The following SH3RF1 variants were observed in gnomAD, a reference collection of about 807,000 sequenced individuals.
The protein encoded by SH3RF1 is SH3 domain containing ring finger 1.
Under a neutral mutation model 74.0 loss-of-function variants are expected in SH3RF1, and 32 were observed. That is an observed-to-expected ratio of 0.43 (90% CI 0.33 to 0.58). The LOEUF (loss-of-function observed/expected upper bound fraction) is 0.58. SH3RF1 is among the 20% of genes least tolerant of loss of function. The pLI, the probability that SH3RF1 is intolerant of heterozygous loss-of-function variation, is 0.05. For synonymous variants in SH3RF1, 396 were observed against 439.6 expected, an observed-to-expected ratio of 0.90 and a Z score of 1.24; for missense variants, 954 against 1,130.9, an observed-to-expected ratio of 0.84 and a Z score of 2.24.
At chr4:169,212,228 C>A (rs1450145710) in intron 2 of SH3RF1, among the ~76,000 whole-genome samples, 1 of 151,822 alleles carries the variant, frequency 6.6e-6, no homozygotes, top group Non-Finnish European at 1.5e-5. Flanking sequence ...CCATGCCCAG[C>A]TGATTTTGTA....
chr4:169,239,885 G>A (rs1006241736), intron 2 of SH3RF1, among the ~76,000 whole-genome samples: 2 of 152,022 alleles, frequency 1.3e-5, no homozygotes, highest in Non-Finnish European at 2.9e-5. Flanking sequence ...TAAGCCGGGC[G>A]TGGTGGTGTG....
intron 5 of SH3RF1, among the ~76,000 whole-genome samples, chr4:169,130,804 A>T (rs1000998517): frequency 1.3e-5 from 2 of 152,246 alleles, no homozygotes; most frequent in African/African-American, 4.8e-5. Context: ...AAATTGAGTT[A>T]TTCAGGTCAT....
intron 11 of SH3RF1, among the ~76,000 whole-genome samples, chr4:169,102,887 T>C (rs1359711827): frequency 6.6e-6 from 1 of 150,412 alleles, no homozygotes; most frequent in Admixed American, 6.6e-5. Flanking sequence ...TTCTTTCCAT[T>C]GACAGCACCG....
intron 4 of SH3RF1, among the ~76,000 whole-genome samples, chr4:169,151,021 T>G (rs1210802194): frequency 6.6e-6 from 1 of 152,158 alleles, no homozygotes; most frequent in Non-Finnish European, 1.5e-5. Flanking sequence ...GATATACACA[T>G]AGGCAGTGAA....
chr4:169,175,590 C>T (rs1365700326), intron 2 of SH3RF1, among the ~76,000 whole-genome samples: 2 of 152,160 alleles, frequency 1.3e-5, no homozygotes, highest in Non-Finnish European at 2.9e-5. Flanking sequence ...CCCTGATTAT[C>T]CCACAATAGC....
intron 2 of SH3RF1, among the ~76,000 whole-genome samples, chr4:169,267,171 A>C (rs1001927952): frequency 6.6e-6 from 1 of 152,216 alleles, no homozygotes; most frequent in African/African-American, 2.4e-5. Context: ...AAAACTTAAA[A>C]TTCAAAAGAC....
At chr4:169,166,851 C>A in intron 2 of SH3RF1, 1 of 298,604 alleles carries the variant, frequency 3.3e-6, no homozygotes, top group South Asian at 5.2e-5. Context: ...TTGTCATTGC[C>A]ACCTCAACCA....
At chr4:169,189,832 C>T (rs184815794) in intron 2 of SH3RF1, among the ~76,000 whole-genome samples, 4 of 152,278 alleles carry the variant, frequency 2.6e-5, no homozygotes, top group Admixed American at 2.0e-4. Flanking sequence ...GTCTACTACA[C>T]TCAATAAATG....
chr4:169,155,368 G>A (rs1465879550), intron 4 of SH3RF1, 112 bp downstream of exon 4: 1 of 724,920 alleles, frequency 1.4e-6, no homozygotes. Flanking sequence ...CTGTAACAGG[G>A]CATTCCTGGT....
chr4:169,130,193 T>G (rs1733591695), intron 5 of SH3RF1, 37 bp from the exon 6 acceptor site: 1 of 1,391,014 alleles, frequency 7.2e-7, no homozygotes, highest in African/African-American at 1.5e-5. Flanking sequence ...AAGAAGACTA[T>G]GTTTAATACA....
chr4:169,200,557 T>A (rs1287839285), intron 2 of SH3RF1, among the ~76,000 whole-genome samples: 1 of 152,126 alleles, frequency 6.6e-6, no homozygotes, highest in Non-Finnish European at 1.5e-5. Context: ...CAGGGATGAA[T>A]CAGAAACATA....
At chr4:169,241,515 G>A (rs1383071076) in intron 2 of SH3RF1, among the ~76,000 whole-genome samples, 3 of 152,136 alleles carry the variant, frequency 2.0e-5, no homozygotes, top group African/African-American at 7.2e-5. Flanking sequence ...GGCCTTAGGG[G>A]TTGAGAGCAT....
At chr4:169,209,555 T>A (rs1403798088) in intron 2 of SH3RF1, among the ~76,000 whole-genome samples, 1 of 152,206 alleles carries the variant, frequency 6.6e-6, no homozygotes, top group Non-Finnish European at 1.5e-5. Flanking sequence ...TGCTTGTAAT[T>A]GCAGTATTTT....
intron 6 of SH3RF1, 117 bp from the exon 7 acceptor site, chr4:169,122,383 T>A: frequency 8.4e-7 from 1 of 1,190,260 alleles, no homozygotes; most frequent in Non-Finnish European, 1.2e-6. Context: ...AAGACTTTAA[T>A]GGAATCCACA....
intron 4 of SH3RF1, among the ~76,000 whole-genome samples, chr4:169,151,825 T>C (rs1733981201): frequency 6.6e-6 from 1 of 152,206 alleles, no homozygotes; most frequent in Non-Finnish European, 1.5e-5. Flanking sequence ...AATGAGAAAC[T>C]TAATAAAAAT....
intron 2 of SH3RF1, among the ~76,000 whole-genome samples, chr4:169,172,055 C>A (rs1280173457): frequency 6.6e-6 from 1 of 152,148 alleles, no homozygotes; most frequent in Non-Finnish European, 1.5e-5. Context: ...ATACACTGAA[C>A]TAAAACCAAG....
chr4:169,173,183 G>A (rs1734360999), intron 2 of SH3RF1, among the ~76,000 whole-genome samples: 1 of 152,168 alleles, frequency 6.6e-6, no homozygotes. Flanking sequence ...CCACATAGTA[G>A]ATCAACTTTT....
chr4:169,207,211 G>A (rs1469721256), intron 2 of SH3RF1, among the ~76,000 whole-genome samples: 1 of 152,138 alleles, frequency 6.6e-6, no homozygotes, highest in African/African-American at 2.4e-5. Flanking sequence ...TCCTGCCTCA[G>A]CCTCCCAACA....
At chr4:169,195,936 C>G (rs988203635) in intron 2 of SH3RF1, among the ~76,000 whole-genome samples, 2 of 152,102 alleles carry the variant, frequency 1.3e-5, no homozygotes, top group African/African-American at 4.8e-5. Context: ...GCAACCTCCA[C>G]CTCCCCAGTT....
Sources: gnomAD v4.1 joint callset for allele counts (sites outside exome capture counted in the v4.1 genomes callset) on GRCh38, gnomAD v4.1.1 for gene constraint, MANE v1.5 for transcripts, NCBI Gene and HGNC (gene_info 2026-07-23, HGNC 2026-07-21) for gene names.